ABRACL: variants seen among roughly 807,000 people sequenced by gnomAD.
The protein encoded by ABRACL is costars family protein ABRACL.
A neutral mutation model predicts 7.0 loss-of-function variants in ABRACL; 4 were observed. The observed-to-expected ratio is 0.57, with a 90% CI of 0.28 to 1.30. The LOEUF is 1.30. ABRACL is among the 50% of genes most tolerant of loss of function. The probability of loss-of-function intolerance (pLI) is 0.10; values close to 1 mark genes in which losing one functional copy is unlikely to be tolerated. For synonymous variants in ABRACL, 30 were observed against 36.0 expected (o/e 0.83, Z 0.60); for missense variants, 104 against 97.3 (o/e 1.07, Z -0.29).
At chr6:139,035,566 T>G (rs1582899981) in intron 2 of ABRACL, among the ~76,000 whole-genome samples, 1 of 151,902 alleles carries the variant, frequency 6.6e-6, no homozygotes, top group Non-Finnish European at 1.5e-5. Flanking sequence ...CACTGCAACC[T>G]CCGCCTCCCG....
chr6:139,041,028 C>T (rs1005901235), intron 2 of ABRACL, among the ~76,000 whole-genome samples: 40 of 152,188 alleles, frequency 2.6e-4, no homozygotes, highest in African/African-American at 9.2e-4. Flanking sequence ...GAGCTTTAAA[C>T]AAGTTGCCCA....
intron 2 of ABRACL, among the ~76,000 whole-genome samples, chr6:139,038,761 A>T (rs557871776): frequency 6.6e-6 from 1 of 152,282 alleles, no homozygotes; most frequent in African/African-American, 2.4e-5. Context: ...ACCTAGAGGG[A>T]AGTGATTAAC....
chr6:139,036,422 C>T (rs1786157133), intron 2 of ABRACL, among the ~76,000 whole-genome samples: 1 of 152,140 alleles, frequency 6.6e-6, no homozygotes, highest in Admixed American at 6.5e-5. Context: ...CTTTATTCTT[C>T]CTACTATTCC....
intron 2 of ABRACL, among the ~76,000 whole-genome samples, chr6:139,036,306 C>T (rs1477329043): frequency 6.6e-6 from 1 of 152,060 alleles, no homozygotes; most frequent in Non-Finnish European, 1.5e-5. Context: ...ATCTAGGATA[C>T]CTTCCTGTCG....
chr6:139,041,695 A>G (rs1166882495), intron 2 of ABRACL, among the ~76,000 whole-genome samples: 2 of 151,934 alleles, frequency 1.3e-5, no homozygotes, highest in Non-Finnish European at 2.9e-5. Context: ...TTTGGCATCC[A>G]ATCACATACT....
intron 2 of ABRACL, 104 bp downstream of exon 2, chr6:139,034,325 A>G: frequency 6.2e-7 from 1 of 1,603,128 alleles, no homozygotes; most frequent in Non-Finnish European, 8.5e-7. Context: ...GGGCTTCAGG[A>G]CACAGGTCTG....
chr6:139,032,585 A>G (rs1008001733), intron 1 of ABRACL, among the ~76,000 whole-genome samples: 14 of 152,234 alleles, frequency 9.2e-5, no homozygotes, highest in African/African-American at 3.1e-4. Context: ...AGCAGGTGGT[A>G]TATAGTCATA....
At chr6:139,040,316 A>G (rs562359543) in intron 2 of ABRACL, among the ~76,000 whole-genome samples, 3 of 152,286 alleles carry the variant, frequency 2.0e-5, no homozygotes, top group African/African-American at 7.2e-5. Flanking sequence ...CTGTGATTGG[A>G]GAGGAGAGGC....
intron 2 of ABRACL, among the ~76,000 whole-genome samples, chr6:139,040,867 C>G (rs1234642030): frequency 6.6e-6 from 1 of 152,208 alleles, no homozygotes; most frequent in Non-Finnish European, 1.5e-5. Flanking sequence ...CACACTCTCC[C>G]CATTTGTCTC....
At chr6:139,041,318 G>T (rs1343817461) in intron 2 of ABRACL, among the ~76,000 whole-genome samples, 3 of 150,352 alleles carry the variant, frequency 2.0e-5, no homozygotes, top group African/African-American at 4.9e-5. Flanking sequence ...AGGCTAGAGT[G>T]CACTAGCACG....
chr6:139,036,084 A>G (rs889503408), intron 2 of ABRACL, among the ~76,000 whole-genome samples: 3 of 151,734 alleles, frequency 2.0e-5, no homozygotes, highest in African/African-American at 7.3e-5. Flanking sequence ...AGCCTGGGCA[A>G]TGGGGCAAGA....
chr6:139,029,904 A>C (rs570227701), intron 1 of ABRACL, among the ~76,000 whole-genome samples: 30 of 152,238 alleles, frequency 2.0e-4, no homozygotes, highest in African/African-American at 6.0e-4. Flanking sequence ...GAAAAATAAC[A>C]ATGCCCTGAG....
At chr6:139,041,531 A>ATT (rs1554211161) in intron 2 of ABRACL, among the ~76,000 whole-genome samples, 12,428 of 125,878 alleles carry the variant, frequency 0.099, 828 homozygotes, top group Middle Eastern at 0.12. Flanking sequence ...ATATATATAT[A>ATT]TTTTTTTTTA....
intron 2 of ABRACL, among the ~76,000 whole-genome samples, 189 bp from the exon 3 acceptor site, chr6:139,042,530 A>G (rs1582902929): frequency 2.0e-5 from 3 of 152,254 alleles, no homozygotes; most frequent in African/African-American, 4.8e-5. Context: ...CAAGAGGCAT[A>G]TAGCATGTAT....
intron 2 of ABRACL, among the ~76,000 whole-genome samples, chr6:139,036,719 C>T (rs1315646026): frequency 1.3e-5 from 2 of 152,140 alleles, no homozygotes; most frequent in Non-Finnish European, 2.9e-5. Context: ...TGCCATGGCT[C>T]AGGCCTGTAA....
chr6:139,041,531 A>ATATATAT (rs748288046), intron 2 of ABRACL, among the ~76,000 whole-genome samples: 7 of 126,038 alleles, frequency 5.6e-5, no homozygotes, highest in African/African-American at 1.9e-4. Context: ...ATATATATAT[A>ATATATAT]TTTTTTTTTA....
intron 2 of ABRACL, among the ~76,000 whole-genome samples, chr6:139,042,484 G>A (rs1786267384): frequency 6.6e-6 from 1 of 152,226 alleles, no homozygotes; most frequent in African/African-American, 2.4e-5. Context: ...TTTTGTAAAT[G>A]TTGGTTCTCA....
chr6:139,033,933 G>A (rs190244067), intron 1 of ABRACL, among the ~76,000 whole-genome samples: 134 of 90,136 alleles, frequency 1.5e-3, no homozygotes, highest in Non-Finnish European at 2.1e-3. Context: ...CCCCACAGAC[G>A]TGGAGAATAG....
chr6:139,031,857 G>C (rs1186971304), intron 1 of ABRACL, among the ~76,000 whole-genome samples: 2 of 152,152 alleles, frequency 1.3e-5, no homozygotes, highest in African/African-American at 4.8e-5. Flanking sequence ...GGAGGGAAAG[G>C]CTTTATCCAA....
Sources: allele counts gnomAD v4.1 joint callset (sites outside exome capture counted in the v4.1 genomes callset), GRCh38; gene constraint gnomAD v4.1.1; transcripts MANE v1.5; gene names NCBI Gene and HGNC (gene_info 2026-07-23, HGNC 2026-07-21).